The following DENND2B variants were observed in gnomAD, a reference collection of about 807,000 sequenced individuals.
DENND2B encodes DENN domain-containing protein 2B.
In DENND2B, 32 loss-of-function variants were observed where a neutral mutation model predicts 116.0. That is an observed-to-expected ratio of 0.28 (90% confidence interval 0.21 to 0.37). The LOEUF (loss-of-function observed/expected upper bound fraction) is 0.37. DENND2B is among the 10% of genes least tolerant of loss of function. The pLI, the probability that DENND2B is intolerant of heterozygous loss-of-function variation, is 1.00. For synonymous variants in DENND2B, 588 were observed against 583.9 expected (o/e 1.01, Z -0.10); for missense variants, 1,276 against 1,477.7 (o/e 0.86, Z 2.24).
intron 3 of DENND2B, 183 bp from the exon 4 acceptor site, chr11:8,726,392 C>A: frequency 1.4e-6 from 1 of 689,724 alleles, no homozygotes; most frequent in Non-Finnish European, 2.3e-6. Flanking sequence ...AAGGCCCCAG[C>A]CTGGGTGCCT....
At position 8,699,092 on chromosome 11, in the gene DENND2B, G is replaced by T; in HGVS notation, c.2899-118C>A. On this transcript the variant is annotated intron_variant, in intron 15 of 19. Transcript: ENST00000313726. ...GCTAACAGGAAGTACTCCAGCCGGG[G>T]ATAGACCTCCCAGGGAGAAAGGATA... is the stretch of plus-strand genomic sequence containing the variant. The T allele has an allele frequency of 2.6e-6, 4 of 1,532,476 alleles. No individual in the cohort carries two copies. The South Asian group carries it at 5.0e-5, about 19-fold the overall frequency. 94.9% of individuals were successfully genotyped at this position (1,532,476 alleles called of 1,614,324 possible).
intron 10 of DENND2B, 34 bp from the exon 11 acceptor site, chr11:8,710,948 G>A (rs775218713): frequency 2.5e-6 from 4 of 1,612,256 alleles, no homozygotes; most frequent in African/African-American, 1.3e-5. Context: ...TCAGGGAGGT[G>A]TGAGAGGACC....
In DENND2B at chr11:8,825,762, G is replaced by T. The variant is rs978970086; in HGVS notation, c.-115+13548C>A. Among the ~76,000 whole-genome samples, 11 of 152,190 alleles carry T rather than the reference G, an allele frequency of 7.2e-5. No individual in the cohort carries two copies. The South Asian group carries it at 2.1e-3, about 29-fold the overall frequency. On this transcript the variant is annotated intron_variant, in intron 4 of 6. Transcript: ENST00000524757. The stretch of plus-strand genomic sequence containing the variant: ...TTACACTGAAGCTTAGAAAAATACT[G>T]CAAGACAACAGGATAAAGATGGTTA...
chr11:8,747,157 G>A (rs1376499693), intron 2 of DENND2B, among the ~76,000 whole-genome samples: 8 of 152,092 alleles, frequency 5.3e-5, no homozygotes, highest in African/African-American at 1.4e-4. Flanking sequence ...TGGCTTCTAC[G>A]TGCCAGGCAT....
At position 8,888,720 on chromosome 11, in the gene DENND2B, G is replaced by A. The variant is rs192567298; in HGVS notation, c.-255-7611C>T. Among the ~76,000 whole-genome samples, 54 of 152,046 alleles carry A rather than the reference G, an allele frequency of 3.6e-4. No homozygotes were observed. The South Asian group carries it at 9.8e-3, about 27-fold the overall frequency. On this transcript the variant is annotated intron_variant, in intron 1 of 22. Transcript: ENST00000534127. ...AATATGTAGAGAACTCCTAAAACTCGACAACAAAAAACAACATAATTCGAA... is the reference window on the plus strand; with the variant it reads ...AATATGTAGAGAACTCCTAAAACTCAACAACAAAAAACAACATAATTCGAA...
chr11:8,724,516 A>AT (rs1190621145), intron 4 of DENND2B, among the ~76,000 whole-genome samples: 2 of 152,254 alleles, frequency 1.3e-5, no homozygotes, highest in African/African-American at 4.8e-5. Flanking sequence ...CTTGGGCAGA[A>AT]TCAAAGCCCC....
intron 11 of DENND2B, chr11:8,708,371 C>G: frequency 1.0e-6 from 1 of 974,642 alleles, no homozygotes; most frequent in Non-Finnish European, 1.2e-6. Flanking sequence ...ATGGGAGCTA[C>G]TGTTTATGGA....
At chr11:8,801,398 C>T (rs1258783800) in intron 1 of DENND2B, among the ~76,000 whole-genome samples, 1 of 152,082 alleles carries the variant, frequency 6.6e-6, no homozygotes, top group African/African-American at 2.4e-5. Context: ...ACACAGCTGC[C>T]TGGCGTGGTG....
intron 2 of DENND2B, among the ~76,000 whole-genome samples, chr11:8,735,197 G>A (rs931029360): frequency 3.9e-5 from 6 of 152,176 alleles, no homozygotes; most frequent in Admixed American, 2.6e-4. Context: ...AAGAGGCCTT[G>A]TAGTTTCTCC....
intron 1 of DENND2B, among the ~76,000 whole-genome samples, chr11:8,887,080 G>A (rs1413494168): frequency 2.6e-5 from 4 of 151,988 alleles, no homozygotes; most frequent in Non-Finnish European, 5.9e-5. Context: ...CATCTACCTC[G>A]GCCTCCCAAA....
intron 3 of DENND2B, among the ~76,000 whole-genome samples, chr11:8,728,836 C>A (rs867710362): frequency 2.0e-5 from 3 of 152,242 alleles, no homozygotes; most frequent in Non-Finnish European, 4.4e-5. Flanking sequence ...GCCTCTGCAT[C>A]CTCTTGACCA....
Position 8,707,340 on chromosome 11 carries a change from A to G in DENND2B, c.2431-115T>C, listed in dbSNP as rs2042777687. On this transcript the variant is annotated intron_variant, in intron 12 of 19. Coordinates refer to ENST00000313726, the MANE Select transcript of DENND2B (RefSeq NM_213618.2). This position sits in a 1 kb window ranked among gnomAD's most constrained non-coding sequence, Gnocchi z 4.8. ...ACCAGGCTAGCCCAGAAGCTGGGAG[A>G]CGGGAAGGTGGTCTTGCCATGATCT... is the stretch of plus-strand genomic sequence containing the variant. 7.2e-7 allele frequency: 1 copy of G among 1,385,860 alleles called. No individual in the cohort carries two copies. Among genetic ancestry groups the G allele is most frequent in the Admixed American group, 2.5e-5 (1 of 40,534 alleles). 85.8% of individuals were successfully genotyped at this position (1,385,860 alleles called of 1,614,324 possible). A position where few individuals can be genotyped will look rare whatever the true frequency, so the allele number is the denominator to read the frequency against.
intron 14 of DENND2B, among the ~76,000 whole-genome samples, chr11:8,701,360 AG>A (rs1483407115): frequency 3.4e-4 from 2 of 5,850 alleles, no homozygotes; most frequent in Admixed American, 4.3e-3. Context: ...GGGGGGGGGG[AG>A]GGGCTACATG....
rs111659592 is a variant in DENND2B at position 8,722,783 on chromosome 11, C to A, written c.1477+3290G>T. ...AAACCACCCCCACCACCCCACGAGG[C>A]CAAAGCAAAACCTAAACATCCGATG... On this transcript the variant is annotated intron_variant, in intron 4 of 19. Transcript: ENST00000313726. Among the ~76,000 whole-genome samples the A allele has an allele frequency of 2.3e-3, 355 of 152,278 alleles. 2 individuals are homozygous for A. The highest frequency in any genetic ancestry group is 7.4e-3 in the African/African-American group (309 of 41,548).
At chr11:8,898,316 C>T (rs1203659748) in intron 1 of DENND2B, among the ~76,000 whole-genome samples, 2 of 151,982 alleles carry the variant, frequency 1.3e-5, no homozygotes, top group African/African-American at 4.8e-5. Flanking sequence ...TGCTTCAGCG[C>T]AGAAATTCAA....
chr11:8,786,525 G>A (rs894015542), intron 1 of DENND2B, among the ~76,000 whole-genome samples: 1 of 152,182 alleles, frequency 6.6e-6, no homozygotes, highest in African/African-American at 2.4e-5. Context: ...AACAGGATTA[G>A]GAAGGCCAGG....
intron 1 of DENND2B, among the ~76,000 whole-genome samples, chr11:8,804,604 G>C (rs1038158803): frequency 1.4e-5 from 2 of 145,988 alleles, no homozygotes; most frequent in Non-Finnish European, 3.0e-5. Flanking sequence ...GAGTGCAGTG[G>C]TGCGATCTCA....
At chr11:8,809,304 GC>G (rs957248737) in intron 1 of DENND2B, 6 of 152,308 alleles carry the variant, frequency 3.9e-5, no homozygotes, top group Admixed American at 3.3e-4. Flanking sequence ...TAATCAGAAT[GC>G]CCCCTCATTG....
intron 1 of DENND2B, among the ~76,000 whole-genome samples, chr11:8,899,790 G>A (rs973268359): frequency 1.3e-5 from 2 of 152,048 alleles, no homozygotes; most frequent in Non-Finnish European, 2.9e-5. Context: ...TAAATATATT[G>A]GTTAATATAA....
Sources: allele counts gnomAD v4.1 joint callset (sites outside exome capture counted in the v4.1 genomes callset), GRCh38; gene constraint gnomAD v4.1.1; non-coding constraint Gnocchi (gnomAD v3.1); transcripts MANE v1.5; gene names NCBI Gene and HGNC (gene_info 2026-07-23, HGNC 2026-07-21).